The following CDKL4 variants were observed in gnomAD, a reference collection of about 807,000 sequenced individuals.
CDKL4 encodes the protein cyclin-dependent kinase-like 4.
In CDKL4, 44 loss-of-function variants were observed where a neutral mutation model predicts 42.0. That is an observed-to-expected ratio of 1.05 (90% confidence interval 0.82 to 1.35). The LOEUF (loss-of-function observed/expected upper bound fraction) is 1.35. Ranked by LOEUF, CDKL4 falls within the 40% of genes most tolerant of loss-of-function variation. The pLI is 0.00. For missense variants in CDKL4, 393 were observed against 369.9 expected (o/e 1.06, Z -0.51); for synonymous variants, 120 against 121.6 (o/e 0.99, Z 0.09).
intron 8 of CDKL4, among the ~76,000 whole-genome samples, chr2:39,182,488 T>C (rs1675494586): frequency 6.6e-6 from 1 of 152,218 alleles, no homozygotes; most frequent in South Asian, 2.1e-4. Flanking sequence ...GAATTGAGGC[T>C]TCTGAGTCCT....
chr2:39,245,727 C>G (rs562357345), upstream of CDKL4, among the ~76,000 whole-genome samples: 26 of 152,382 alleles, frequency 1.7e-4, no homozygotes, highest in African/African-American at 6.2e-4. Context: ...CGTTTCCCTG[C>G]CTGGGCAGAG....
At chr2:39,225,048 G>A (rs1279055638) in intron 3 of CDKL4, among the ~76,000 whole-genome samples, 1 of 152,118 alleles carries the variant, frequency 6.6e-6, no homozygotes, top group Non-Finnish European at 1.5e-5. Flanking sequence ...TTATAGTGGT[G>A]ACAGCTGACA....
chr2:39,227,891 G>A (rs1678854429), intron 2 of CDKL4, among the ~76,000 whole-genome samples: 1 of 152,200 alleles, frequency 6.6e-6, no homozygotes, highest in Admixed American at 6.5e-5. Context: ...AAGAAAAACA[G>A]GTGGTAAGGA....
chr2:39,212,269 T>C lies in CDKL4; in HGVS notation c.363+1131A>G, dbSNP rs537269450. Among the ~76,000 whole-genome samples, 664 of 151,218 alleles carry C rather than the reference T, an allele frequency of 4.4e-3. 5 individuals carry two copies. The highest frequency in any genetic ancestry group is 0.017 in the South Asian group (83 of 4,790). ...TTTTTTTTGAGACAGAGTCTCACAC[T>C]GTCGCCCAGGCTGGAGTGCAGTGGC... On this transcript the variant is annotated intron_variant, in intron 4 of 9. Transcript: ENST00000451199.
rs539984228 is a variant in CDKL4 at position 39,188,866 on chromosome 2, A to T, written c.653-1157T>A. ...CATCATGTCCAGCTAATTTTTAAAAATTTTTTGCAGATATGGGGTCTGCCT... is the reference window on the plus strand; with the variant it reads ...CATCATGTCCAGCTAATTTTTAAAATTTTTTTGCAGATATGGGGTCTGCCT... On this transcript the variant is annotated intron_variant, in intron 6 of 9. Coordinates refer to ENST00000451199, the Ensembl canonical transcript of CDKL4. 1.9e-4 allele frequency among the ~76,000 whole-genome samples: 29 copies of T among 152,114 alleles called. 1 individual carries two copies. In the South Asian group the frequency reaches 5.2e-3, roughly 27 times the overall value.
intron 3 of CDKL4, among the ~76,000 whole-genome samples, chr2:39,216,419 G>A (rs1677920264): frequency 6.6e-6 from 1 of 152,128 alleles, no homozygotes; most frequent in East Asian, 1.9e-4. Context: ...TCAGTCCATG[G>A]AGGGCCTCGG....
At position 39,236,242 on chromosome 2, in the gene CDKL4, T is replaced by C. The variant is rs377318844; in HGVS notation, c.-56-6654A>G. Among the ~76,000 whole-genome samples, 6 of 143,452 alleles carry C rather than the reference T, an allele frequency of 4.2e-5. No homozygotes were observed. The East Asian group carries it at 1.2e-3, about 29-fold the overall frequency. 94.1% of individuals were successfully genotyped at this position (143,452 alleles called of 152,430 possible). A position where few individuals can be genotyped will look rare whatever the true frequency, so the allele number is the denominator to read the frequency against. On this transcript the variant is annotated intron_variant, in intron 1 of 9. Transcript: ENST00000451199. ...ATGACAGAAGAAAGAATCAGTAAAA[T>C]AGACCAATAAAAAGCAGTCAAAATG...
At chr2:39,211,971 A>G (rs918921019) in intron 4 of CDKL4, among the ~76,000 whole-genome samples, 1 of 152,232 alleles carries the variant, frequency 6.6e-6, no homozygotes, top group Non-Finnish European at 1.5e-5. Flanking sequence ...TCCAATTTAC[A>G]GGAAATACAA....
intron 1 of CDKL4, among the ~76,000 whole-genome samples, chr2:39,231,773 T>C (rs879878649): frequency 1.3e-5 from 2 of 152,230 alleles, no homozygotes; most frequent in Non-Finnish European, 2.9e-5. Context: ...GGCATCTGGC[T>C]GGGAGCATTG....
chr2:39,192,037 C>A (rs997227154), intron 5 of CDKL4, among the ~76,000 whole-genome samples: 20 of 152,206 alleles, frequency 1.3e-4, no homozygotes, highest in Admixed American at 5.2e-4. Context: ...ATAATCTTTA[C>A]TTGCTCATTG....
chr2:39,176,198 A>G (rs1215134090), intron 9 of CDKL4, 102 bp from the exon 10 acceptor site: 2 of 344,082 alleles, frequency 5.8e-6, no homozygotes, highest in Non-Finnish European at 1.2e-5. Flanking sequence ...CTTATGGTAC[A>G]AAGATGTCAA....
intron 6 of CDKL4, among the ~76,000 whole-genome samples, chr2:39,188,058 A>C (rs1675935665): frequency 6.6e-6 from 1 of 151,706 alleles, no homozygotes; most frequent in African/African-American, 2.4e-5. Flanking sequence ...ACAGAGCAAG[A>C]CTCCATCTCA....
At chr2:39,239,070 G>C (rs1322310928) in intron 1 of CDKL4, among the ~76,000 whole-genome samples, 2 of 152,110 alleles carry the variant, frequency 1.3e-5, no homozygotes, top group African/African-American at 4.8e-5. Flanking sequence ...TTTTGACAAA[G>C]TTGCTGCAGC....
chr2:39,177,473 C>T (rs1220004840), intron 9 of CDKL4, among the ~76,000 whole-genome samples: 17 of 149,816 alleles, frequency 1.1e-4, no homozygotes, highest in African/African-American at 3.9e-4. Flanking sequence ...GGCACGATCT[C>T]GGCTCACTGC....
chr2:39,213,473 C>G lies in CDKL4; in HGVS notation c.291-1G>C, dbSNP rs767182900. On this transcript the variant is annotated splice_acceptor_variant, in intron 3 of 9. Coordinates refer to ENST00000451199, the Ensembl canonical transcript of CDKL4. LOFTEE classifies it high-confidence loss of function. ...GCTTTTGATCACTCCATCAGCAACT[C>G]TGAGGGAAAAAATAAAAAAGGAAAT... The G allele has an allele frequency of 1.9e-5, 30 of 1,605,438 alleles. 1 individual carries two copies. The South Asian group carries it at 3.1e-4, about 17-fold the overall frequency.
chr2:39,184,576 T>C lies in CDKL4; in HGVS notation c.792+15A>G, dbSNP rs1256000900. The C allele has an allele frequency of 5.6e-6, 9 of 1,593,674 alleles. No homozygotes were observed. Among genetic ancestry groups the C allele is most frequent in the South Asian group, 1.1e-5 (1 of 90,224 alleles). On this transcript the variant is annotated intron_variant, in intron 8 of 9. Transcript: ENST00000451199. ...AATTTATAGCTAATAAGAGTTATAA[T>C]TGATTCTTAAGTACCTTCATGAAGT...
intron 7 of CDKL4, 59 bp downstream of exon 7, chr2:39,187,568 T>A (rs777268823): frequency 2.6e-6 from 3 of 1,162,382 alleles, no homozygotes; most frequent in Non-Finnish European, 2.5e-6. Flanking sequence ...AAATAACAAC[T>A]ACCTCTTTAA....
At chr2:39,197,491 A>G (rs964500472) in intron 5 of CDKL4, among the ~76,000 whole-genome samples, 6 of 152,132 alleles carry the variant, frequency 3.9e-5, no homozygotes, top group African/African-American at 1.4e-4. Context: ...TCCCAAGAAC[A>G]TCAGGGAAAT....
At chr2:39,205,319 C>T (rs997459313) in intron 4 of CDKL4, among the ~76,000 whole-genome samples, 1 of 152,204 alleles carries the variant, frequency 6.6e-6, no homozygotes, top group Non-Finnish European at 1.5e-5. Context: ...CTAATAACTG[C>T]TGCCACCCAA....
Sources: gnomAD v4.1 joint callset for allele counts (sites outside exome capture counted in the v4.1 genomes callset) on GRCh38, gnomAD v4.1.1 for gene constraint, MANE v1.5 for transcripts, NCBI Gene and HGNC (gene_info 2026-07-23, HGNC 2026-07-21) for gene names.